The following TCF12 variants were observed in gnomAD, a reference collection of about 807,000 sequenced individuals.
TCF12 encodes the protein transcription factor 12.
Under a neutral mutation model 86.0 loss-of-function variants are expected in TCF12, and 45 were observed. The ratio of observed to expected loss-of-function variants is 0.52; its 90% CI spans 0.41 to 0.67. The LOEUF (loss-of-function observed/expected upper bound fraction) is 0.67. Ranked by LOEUF, TCF12 falls within the 30% of genes least tolerant of loss-of-function variation. The probability of loss-of-function intolerance (pLI) is 0.00; values close to 1 mark genes in which losing one functional copy is unlikely to be tolerated. For synonymous variants in TCF12, 330 were observed against 299.6 expected (o/e 1.10, Z -1.05); for missense variants, 881 against 859.9 (o/e 1.02, Z -0.31).
chr15:56,992,440 G>A (rs2063503155), intron 3 of TCF12, among the ~76,000 whole-genome samples: 1 of 152,090 alleles, frequency 6.6e-6, no homozygotes, highest in Non-Finnish European at 1.5e-5. Context: ...GAGATTAAGG[G>A]TCATTCTTCT....
chr15:56,955,032 C>T (rs2061444566), intron 3 of TCF12, among the ~76,000 whole-genome samples: 1 of 152,134 alleles, frequency 6.6e-6, no homozygotes. Flanking sequence ...ACCGTATGAC[C>T]CAGCCATCCC....
At chr15:57,062,385 G>A (rs1481119240) in intron 3 of TCF12, among the ~76,000 whole-genome samples, 1 of 151,840 alleles carries the variant, frequency 6.6e-6, no homozygotes, top group Non-Finnish European at 1.5e-5. Context: ...AAAGCCTCTG[G>A]TTCACTTGAA....
chr15:56,968,019 G>A (rs763567496), intron 3 of TCF12, among the ~76,000 whole-genome samples: 34 of 151,882 alleles, frequency 2.2e-4, no homozygotes, highest in Non-Finnish European at 4.4e-4. Flanking sequence ...GCAGTGGTGC[G>A]ATCTTGGCTT....
intron 3 of TCF12, among the ~76,000 whole-genome samples, chr15:57,058,174 G>A (rs549817268): frequency 1.3e-5 from 2 of 152,146 alleles, no homozygotes; most frequent in Non-Finnish European, 2.9e-5. Flanking sequence ...CCCTGGGAAC[G>A]TATTACTTTC....
Position 57,192,199 on chromosome 15 carries a change from A to G in TCF12, c.432A>G (p.Ala144=). 6.2e-7 allele frequency: 1 copy of G among 1,614,096 alleles called. No individual in the cohort carries two copies. Among genetic ancestry groups the G allele is most frequent in the African/African-American group, 1.3e-5 (1 of 75,032 alleles). ...LRQDLGLGSP[A]QLSSSGKPGT... ...AAGATCTGGGGCTTGGGAGCCCAGC[A>G]CAGCTATCTTCTTCAGGAAAACCTG... Residue 144 remains alanine, a synonymous_variant, in exon 7 of 21, where the codon GCA becomes GCG. Transcript: ENST00000333725.
At chr15:57,262,552 C>T (rs971606199) in intron 17 of TCF12, among the ~76,000 whole-genome samples, 1 of 152,128 alleles carries the variant, frequency 6.6e-6, no homozygotes, top group African/African-American at 2.4e-5. Flanking sequence ...TCTGATTATA[C>T]TGAGAGCTCC....
intron 4 of TCF12, among the ~76,000 whole-genome samples, chr15:57,076,525 C>T (rs985780283): frequency 2.0e-5 from 3 of 151,736 alleles, no homozygotes; most frequent in Non-Finnish European, 2.9e-5. Flanking sequence ...TGGTGGCAGG[C>T]GCCTGTAGTC....
chr15:57,258,329 C>G (rs1340057983), intron 16 of TCF12, among the ~76,000 whole-genome samples: 1 of 152,112 alleles, frequency 6.6e-6, no homozygotes, highest in Non-Finnish European at 1.5e-5. Flanking sequence ...ATAAAAAGAG[C>G]TCTCTGCAAT....
intron 8 of TCF12, among the ~76,000 whole-genome samples, chr15:57,212,825 C>A (rs771427371): frequency 3.3e-5 from 5 of 152,124 alleles, no homozygotes; most frequent in African/African-American, 4.8e-5. Flanking sequence ...TCTCTTGCCT[C>A]CTGAGAGGCA....
chr15:57,147,575 A>C (rs1198614603), intron 5 of TCF12, among the ~76,000 whole-genome samples: 4 of 152,178 alleles, frequency 2.6e-5, no homozygotes, highest in East Asian at 1.9e-4. Context: ...GGGAAAAAAA[A>C]CAGAAAGTAT....
At chr15:56,938,289 T>C (rs1162000168) in intron 3 of TCF12, among the ~76,000 whole-genome samples, 1 of 152,044 alleles carries the variant, frequency 6.6e-6, no homozygotes, top group African/African-American at 2.4e-5. Context: ...GCCTCCCAAG[T>C]AGCTGGGATC....
chr15:57,282,530 A>G lies in TCF12; in HGVS notation c.2064A>G (p.Thr688=). Residue 688 remains threonine, a synonymous_variant, in exon 20 of 21, where the codon ACA becomes ACG. Coordinates refer to ENST00000333725, the MANE Select transcript of TCF12 (RefSeq NM_207037.2). ...CCGTATCGGCAGAGCCGCCAACCAC[A>G]CTGCCAGGAACCCATCCTGGGCTTA... ...VSAVSAEPPT[T]LPGTHPGLSE... 1.2e-6 allele frequency: 2 copies of G among 1,614,212 alleles called. No homozygotes were observed. The highest frequency in any genetic ancestry group is 1.7e-6 in the Non-Finnish European group (2 of 1,180,028).
chr15:57,199,849 A>G (rs1327245044), intron 8 of TCF12, among the ~76,000 whole-genome samples: 1 of 152,162 alleles, frequency 6.6e-6, no homozygotes, highest in African/African-American at 2.4e-5. Context: ...TGTTTTAGAT[A>G]AAATGCTGTG....
At chr15:57,232,209 C>T in intron 9 of TCF12, 82 bp from the exon 10 acceptor site, 2 of 1,496,434 alleles carry the variant, frequency 1.3e-6, no homozygotes, top group African/African-American at 1.4e-5. Context: ...CTGGAGGGTA[C>T]CCCTTGAATT....
chr15:57,103,851 A>G (rs2049929311), intron 5 of TCF12, among the ~76,000 whole-genome samples: 1 of 151,814 alleles, frequency 6.6e-6, no homozygotes, highest in Non-Finnish European at 1.5e-5. Context: ...CTAAAAATAC[A>G]AAAAAAATTA....
At chr15:57,258,853 A>G (rs2060464228) in intron 16 of TCF12, among the ~76,000 whole-genome samples, 2 of 152,322 alleles carry the variant, frequency 1.3e-5, no homozygotes, top group Admixed American at 1.3e-4. Context: ...GTAAAGACTG[A>G]CAGGCAAATA....
intron 20 of TCF12, among the ~76,000 whole-genome samples, chr15:57,284,051 T>C (rs1298664763): frequency 6.6e-6 from 1 of 152,204 alleles, no homozygotes; most frequent in Non-Finnish European, 1.5e-5. Context: ...TCAGGGACTT[T>C]AGGCAAGAGC....
intron 3 of TCF12, among the ~76,000 whole-genome samples, chr15:57,041,223 G>A (rs756648761): frequency 1.3e-5 from 2 of 152,138 alleles, no homozygotes; most frequent in African/African-American, 4.8e-5. Context: ...GGGCAATTTG[G>A]CAGTCAAACA....
chr15:56,951,319 A>G (rs2061264864), intron 3 of TCF12, among the ~76,000 whole-genome samples: 1 of 152,128 alleles, frequency 6.6e-6, no homozygotes, highest in East Asian at 1.9e-4. Flanking sequence ...GTATCTTTTC[A>G]TATACTTACT....
Sources: gnomAD v4.1 joint callset for allele counts (sites outside exome capture counted in the v4.1 genomes callset) on GRCh38, gnomAD v4.1.1 for gene constraint, MANE v1.5 for transcripts, NCBI Gene and HGNC (gene_info 2026-07-23, HGNC 2026-07-21) for gene names.